Variants in CALCOCO1 observed in about 807,000 individuals in gnomAD.
CALCOCO1 encodes the protein calcium-binding and coiled-coil domain-containing protein 1.
In CALCOCO1, 44 loss-of-function variants were observed where a neutral mutation model predicts 86.3. The ratio of observed to expected loss-of-function variants is 0.51; its 90% CI spans 0.40 to 0.66. The LOEUF (loss-of-function observed/expected upper bound fraction) is 0.66. Ranked by LOEUF, CALCOCO1 falls within the 30% of genes least tolerant of loss-of-function variation. The pLI is 0.00. For missense variants in CALCOCO1, 708 were observed against 851.1 expected (o/e 0.83, Z 2.09); for synonymous variants, 297 against 327.6 (o/e 0.91, Z 1.01).
intron 4 of CALCOCO1, 127 bp from the exon 5 acceptor site, chr12:53,722,310 G>A: frequency 9.9e-7 from 1 of 1,012,418 alleles, no homozygotes. Context: ...AAAGAGGTGA[G>A]GAAGGGGATG....
At position 53,725,276 on chromosome 12, in the gene CALCOCO1, A is replaced by G. The variant is rs756439060; in HGVS notation, c.-24-10T>C. On this transcript the variant is annotated splice_polypyrimidine_tract_variant and intron_variant, in intron 1 of 14. Transcript: ENST00000550804. ...TGAGATATCTGTCCTCCTATGAAAGAAAGGGTTGATAGCCTAAAGTCTTTC... is the reference window on the plus strand; with the variant it reads ...TGAGATATCTGTCCTCCTATGAAAGGAAGGGTTGATAGCCTAAAGTCTTTC... 6.5e-7 allele frequency: 1 copy of G among 1,541,780 alleles called. No individual in the cohort carries two copies. The highest frequency in any genetic ancestry group is 2.4e-5 in the East Asian group (1 of 42,310).
intron 7 of CALCOCO1, 88 bp downstream of exon 7, chr12:53,719,651 T>A: frequency 1.1e-6 from 1 of 881,794 alleles, no homozygotes; most frequent in East Asian, 2.5e-5. Context: ...CTTCTTTACA[T>A]TTTTATTCCC....
At chr12:53,719,920 T>C in intron 6 of CALCOCO1, 91 bp from the exon 7 acceptor site, 2 of 799,694 alleles carry the variant, frequency 2.5e-6, no homozygotes, top group Non-Finnish European at 4.1e-6. Context: ...CTGCTGCTGC[T>C]CTAGGCCCAG....
chr12:53,727,221 G>A (rs1053479643), intron 1 of CALCOCO1, among the ~76,000 whole-genome samples, 183 bp downstream of exon 1: 1 of 152,136 alleles, frequency 6.6e-6, no homozygotes, highest in African/African-American at 2.4e-5. Context: ...CCCAATCAGA[G>A]TCCCCTTGAA....
rs1593072525 is a variant in CALCOCO1, at chr12:53,711,458, A to AGGCCATGATGTCCATGCTGCT, written c.*465_*485dup. On this transcript the variant is annotated 3_prime_UTR_variant, in exon 15 of 15. Transcript: ENST00000550804. Reference sequence around the variant, plus strand: ...AACTGAGAACCAAAAGGGACCTGAGAGGCCATGATGTCCATGCTGCTGCCT... The same window carrying AGGCCATGATGTCCATGCTGCT: ...AACTGAGAACCAAAAGGGACCTGAGAGGCCATGATGTCCATGCTGCTGGCCATGATGTCCATGCTGCTGCCT... The AGGCCATGATGTCCATGCTGCT allele has an allele frequency of 2.7e-6, 1 of 371,110 alleles. No homozygotes were observed. Among genetic ancestry groups the AGGCCATGATGTCCATGCTGCT allele is most frequent in the East Asian group, 3.9e-5 (1 of 25,616 alleles). 23.0% of individuals were successfully genotyped at this position (371,110 alleles called of 1,614,324 possible).
In CALCOCO1 at chr12:53,710,213, T is replaced by G. The variant is rs1014997592; in HGVS notation, c.*1731A>C. 5 of 152,258 alleles carry G rather than the reference T, an allele frequency of 3.3e-5. No homozygotes were observed. Among genetic ancestry groups the G allele is most frequent in the Non-Finnish European group, 7.3e-5 (5 of 68,050 alleles). 9.4% of individuals were successfully genotyped at this position (152,258 alleles called of 1,614,324 possible). On this transcript the variant is annotated 3_prime_UTR_variant, in exon 15 of 15. Transcript: ENST00000550804. Reference sequence around the variant, plus strand: ...TGGGATGGAGAGAGGAGAGATCCATTATCTCTAATTTCCTTGGAAGGGATT... The same window carrying G: ...TGGGATGGAGAGAGGAGAGATCCATGATCTCTAATTTCCTTGGAAGGGATT...
chr12:53,721,976 A>G (rs375578444), intron 5 of CALCOCO1, 49 bp downstream of exon 5: 2 of 1,605,040 alleles, frequency 1.2e-6, no homozygotes, highest in African/African-American at 2.7e-5. Flanking sequence ...CAGATTTTGG[A>G]TGCTGGGTGA....
Position 53,711,516 on chromosome 12 carries a change from C to T in CALCOCO1, c.*428G>A, listed in dbSNP as rs562839329. 1.4e-4 allele frequency: 45 copies of T among 329,102 alleles called. No homozygotes were observed. Among genetic ancestry groups the T allele is most frequent in the African/African-American group, 8.5e-4 (40 of 46,836 alleles). 20.4% of individuals were successfully genotyped at this position (329,102 alleles called of 1,614,324 possible). A position where few individuals can be genotyped will look rare whatever the true frequency, so the allele number is the denominator to read the frequency against. Reference sequence around the variant, plus strand: ...GACCCCAGAGAAAACTCAGGTAAACCAACGGAAACTCCAAATAAGAGAGGG... The same window carrying T: ...GACCCCAGAGAAAACTCAGGTAAACTAACGGAAACTCCAAATAAGAGAGGG... On this transcript the variant is annotated 3_prime_UTR_variant, in exon 15 of 15. Transcript: ENST00000550804.
intron 5 of CALCOCO1, 64 bp downstream of exon 5, chr12:53,721,960 TG>T: frequency 6.3e-7 from 1 of 1,583,306 alleles, no homozygotes; most frequent in Non-Finnish European, 8.6e-7. Context: ...CCCTCTTCAC[TG>T]GGTTCAGATT....
intron 6 of CALCOCO1, 52 bp downstream of exon 6, chr12:53,721,415 G>T: frequency 6.6e-7 from 1 of 1,516,364 alleles, no homozygotes; most frequent in South Asian, 1.3e-5. Context: ...GGGCTGGAGT[G>T]CGGGGGTCAT....
intron 7 of CALCOCO1, among the ~76,000 whole-genome samples, chr12:53,717,100 G>A (rs993119732): frequency 1.1e-4 from 17 of 152,094 alleles, no homozygotes; most frequent in South Asian, 4.1e-4. Flanking sequence ...TGGCTCTGTC[G>A]CCAAGACTGG....
chr12:53,722,762 C>G, intron 4 of CALCOCO1: 3 of 309,494 alleles, frequency 9.7e-6, no homozygotes, highest in Non-Finnish European at 1.9e-5. Flanking sequence ...TGATTTTGAA[C>G]AAGCTTCTTA....
In CALCOCO1 at chr12:53,723,177, C is replaced by G. The variant is rs897562764; in HGVS notation, c.450+416G>C. Reference sequence around the variant, plus strand: ...TCAAGAGCCATATATAGTTAAGAGCCTTTGGTATTGGACAGTACAGGTCTG... The same window carrying G: ...TCAAGAGCCATATATAGTTAAGAGCGTTTGGTATTGGACAGTACAGGTCTG... On this transcript the variant is annotated intron_variant, in intron 4 of 14. Coordinates refer to ENST00000550804, the MANE Select transcript of CALCOCO1 (RefSeq NM_020898.3). 7.9e-5 allele frequency among the ~76,000 whole-genome samples: 12 copies of G among 152,126 alleles called. No individual in the cohort carries two copies. The East Asian group carries it at 2.1e-3, about 27-fold the overall frequency.
rs1391260713 is a variant in CALCOCO1 at position 53,725,154 on chromosome 12, A to C, written c.89T>G (p.Val30Gly). The change falls in exon 2 of 15, where the codon GTG becomes GGG. Residue 30 changes from valine to glycine, a missense_variant. Coordinates refer to ENST00000550804, the MANE Select transcript of CALCOCO1 (RefSeq NM_020898.3). ...TGGGGGAAGGGTGTAGTGACATTCC[A>C]CCTTGGTGTTGGGGATGTAGGTCCG... The part of the protein sequence containing the change: ...VARTYIPNTK[V>G]ECHYTLPPGT... 1 of 1,613,036 alleles carries C rather than the reference A, an allele frequency of 6.2e-7. No individual in the cohort carries two copies. Among genetic ancestry groups the C allele is most frequent in the East Asian group, 2.2e-5 (1 of 44,812 alleles).
chr12:53,710,878 T>G lies in CALCOCO1; in HGVS notation c.*1066A>C. On this transcript the variant is annotated 3_prime_UTR_variant, in exon 15 of 15. Coordinates refer to ENST00000550804, the MANE Select transcript of CALCOCO1 (RefSeq NM_020898.3). ...CCTGAGCAGAAGTGACAGGGACCCA[T>G]GAGTTTGCTCCCTCCCCAACTGCCG... 3 of 187,662 alleles carry G rather than the reference T, an allele frequency of 1.6e-5. No individual in the cohort carries two copies. The highest frequency in any genetic ancestry group is 2.2e-5 in the Non-Finnish European group (2 of 91,920). The allele number at this position is 187,662 out of a possible 1,614,324, so 11.6% of individuals were successfully genotyped here. A position where few individuals can be genotyped will look rare whatever the true frequency, so the allele number is the denominator to read the frequency against.
rs1391157208 is a variant in CALCOCO1 at position 53,711,448 on chromosome 12, G to C, written c.*496C>G. Reference sequence around the variant, plus strand: ...GAACCAATGAAACTGAGAACCAAAAGGGACCTGAGAGGCCATGATGTCCAT... The same window carrying C: ...GAACCAATGAAACTGAGAACCAAAACGGACCTGAGAGGCCATGATGTCCAT... On this transcript the variant is annotated 3_prime_UTR_variant, in exon 15 of 15. Transcript: ENST00000550804. 2.7e-6 allele frequency: 1 copy of C among 375,158 alleles called. No homozygotes were observed. Among genetic ancestry groups the C allele is most frequent in the Admixed American group, 4.6e-5 (1 of 21,896 alleles). 23.2% of individuals were successfully genotyped at this position (375,158 alleles called of 1,614,324 possible).
At chr12:53,723,571 A>G in intron 4 of CALCOCO1, 22 bp downstream of exon 4, 2 of 1,613,750 alleles carry the variant, frequency 1.2e-6, no homozygotes, top group Non-Finnish European at 1.7e-6. Context: ...GTCTGGGAAT[A>G]ACTCTGTTGC....
rs377156371 is a variant in CALCOCO1 at position 53,713,880 on chromosome 12, C to T, written c.1612G>A (p.Asp538Asn). 1.4e-5 allele frequency: 21 copies of T among 1,523,100 alleles called. No individual in the cohort carries two copies. Among genetic ancestry groups the T allele is most frequent in the Non-Finnish European group, 1.8e-5 (21 of 1,135,728 alleles). 94.3% of individuals were successfully genotyped at this position (1,523,100 alleles called of 1,614,324 possible). ...VGLSCPAALT[D>N]SEDESPEDMR... ...TCTTCTGGGGACTCGTCCTCTGAGT[C>T]TGTCAGAGCTGCCGGGCAGCCTGTA... is the stretch of plus-strand genomic sequence containing the variant. The change falls in exon 13 of 15, where the codon GAC becomes AAC. Residue 538 changes from aspartate (D) to asparagine (N), a missense_variant. Coordinates refer to ENST00000550804, the MANE Select transcript of CALCOCO1 (RefSeq NM_020898.3).
chr12:53,712,773 A>G, intron 14 of CALCOCO1: 1 of 1,334,034 alleles, frequency 7.5e-7, no homozygotes, highest in Non-Finnish European at 9.8e-7. Flanking sequence ...CTAGGTACCT[A>G]CCTGGTGGTT....
Sources: allele counts gnomAD v4.1 joint callset (sites outside exome capture counted in the v4.1 genomes callset), GRCh38; gene constraint gnomAD v4.1.1; transcripts MANE v1.5; gene names NCBI Gene and HGNC (gene_info 2026-07-23, HGNC 2026-07-21).